The following ARMH3 variants were observed in gnomAD, a reference collection of about 807,000 sequenced individuals.
The protein encoded by ARMH3 is armadillo like helical domain containing 3.
ARMH3 carries 60 observed loss-of-function variants against 99.1 expected under a neutral mutation model. The observed-to-expected ratio is 0.61, with a 90% CI of 0.49 to 0.75. ARMH3 has a LOEUF of 0.75. Ranked by LOEUF, ARMH3 falls within the 30% of genes least tolerant of loss-of-function variation. The pLI, the probability that ARMH3 is intolerant of heterozygous loss-of-function variation, is 0.00. For missense variants in ARMH3, 679 were observed against 843.1 expected (o/e 0.81, Z 2.41); for synonymous variants, 285 against 292.8 (o/e 0.97, Z 0.27).
At chr10:102,029,893 G>GTT in intron 4 of ARMH3, 148 bp from the exon 5 acceptor site, 1 of 770,788 alleles carries the variant, frequency 1.3e-6, no homozygotes, top group Non-Finnish European at 2.0e-6. Context: ...AGTTTTTTTG[G>GTT]TTTTTTCCGT....
At chr10:102,051,474 G>GAAAAAAAAAAAAAAAA (rs771899987) in intron 1 of ARMH3, among the ~76,000 whole-genome samples, 1 of 129,658 alleles carries the variant, frequency 7.7e-6, no homozygotes, top group Non-Finnish European at 1.7e-5. Context: ...CTCCATTTCG[G>GAAAAAAAAAAAAAAAA]AAAAAAAAAA....
intron 22 of ARMH3, among the ~76,000 whole-genome samples, chr10:101,943,252 A>G (rs1564776716): frequency 6.6e-6 from 1 of 152,238 alleles, no homozygotes; most frequent in Non-Finnish European, 1.5e-5. Flanking sequence ...TGATCTATGC[A>G]TATGGAAGAA....
chr10:101,928,773 C>T (rs991427641), intron 23 of ARMH3, among the ~76,000 whole-genome samples: 1 of 152,140 alleles, frequency 6.6e-6, no homozygotes, highest in African/African-American at 2.4e-5. Context: ...TCTTGTTGTC[C>T]AGGCTGGAGT....
intron 18 of ARMH3, 83 bp from the exon 19 acceptor site, chr10:101,990,694 A>G: frequency 5.9e-6 from 6 of 1,012,108 alleles, no homozygotes; most frequent in Non-Finnish European, 9.3e-6. Context: ...GCTTCTGAGT[A>G]CACCTTGCAC....
intron 15 of ARMH3, 113 bp downstream of exon 15, chr10:102,001,858 C>CA: frequency 1.1e-6 from 1 of 928,150 alleles, no homozygotes; most frequent in South Asian, 1.6e-5. Context: ...ACCATGTACA[C>CA]AAGGCCCCAA....
intron 19 of ARMH3, among the ~76,000 whole-genome samples, chr10:101,976,158 G>C (rs1171244464): frequency 9.5e-6 from 1 of 104,724 alleles, no homozygotes; most frequent in East Asian, 3.4e-4. Flanking sequence ...GACAGAGTGA[G>C]ACTCTGTCTC....
chr10:102,015,621 C>T (rs1475301530), intron 8 of ARMH3, among the ~76,000 whole-genome samples: 1 of 152,140 alleles, frequency 6.6e-6, no homozygotes, highest in Non-Finnish European at 1.5e-5. Context: ...AACTCCTGAC[C>T]TCAGGTGGTC....
At chr10:101,872,776 G>C (rs1042803147) in intron 24 of ARMH3, among the ~76,000 whole-genome samples, 1 of 151,428 alleles carries the variant, frequency 6.6e-6, no homozygotes, top group African/African-American at 2.4e-5. Context: ...TGGCCAACAT[G>C]GTGAAACCCC....
At position 101,982,416 on chromosome 10, in the gene ARMH3, G is replaced by A. The variant is rs369632900; in HGVS notation, c.1407-7116C>T. On this transcript the variant is annotated intron_variant, in intron 19 of 25. Transcript: ENST00000370033. ...GAAAAAAACATGTATTTTACAAACC[G>A]TACAGAAAAATAATCTATAAATCAA... is the stretch of plus-strand genomic sequence containing the variant. Among the ~76,000 whole-genome samples, 20 of 152,090 alleles carry A rather than the reference G, an allele frequency of 1.3e-4. 1 individual carries two copies. In the South Asian group the frequency reaches 3.1e-3, roughly 24 times the overall value.
At chr10:101,950,789 G>A (rs984946860) in intron 22 of ARMH3, among the ~76,000 whole-genome samples, 2 of 152,186 alleles carry the variant, frequency 1.3e-5, no homozygotes, top group Non-Finnish European at 2.9e-5. Flanking sequence ...ATTGCCTAGA[G>A]CTCAGGAGAT....
intron 24 of ARMH3, among the ~76,000 whole-genome samples, chr10:101,858,460 GC>G (rs1475853369): frequency 6.6e-6 from 1 of 152,186 alleles, no homozygotes; most frequent in Admixed American, 6.5e-5. Flanking sequence ...CACACAGAAA[GC>G]ACTTAAGAAG....
chr10:102,053,423 T>A (rs1462287874), intron 1 of ARMH3, among the ~76,000 whole-genome samples: 1 of 152,018 alleles, frequency 6.6e-6, no homozygotes, highest in African/African-American at 2.4e-5. Context: ...TTTTCAGAGA[T>A]GGGGTCTCGC....
chr10:101,993,245 TGG>T (rs901415080), intron 17 of ARMH3, among the ~76,000 whole-genome samples: 1 of 137,126 alleles, frequency 7.3e-6, no homozygotes, highest in African/African-American at 2.8e-5. Context: ...CACTCCAGCC[TGG>T]GGGGGAGAGA....
At chr10:101,870,362 CAATT>C (rs2067104958) in intron 24 of ARMH3, among the ~76,000 whole-genome samples, 1 of 152,050 alleles carries the variant, frequency 6.6e-6, no homozygotes, top group Non-Finnish European at 1.5e-5. Flanking sequence ...ATTCAACTAA[CAATT>C]AAAATGTTTT....
chr10:101,871,170 C>T (rs1365652660), intron 24 of ARMH3, among the ~76,000 whole-genome samples: 1 of 152,068 alleles, frequency 6.6e-6, no homozygotes, highest in East Asian at 1.9e-4. Context: ...GAAACACTGA[C>T]AAAAATTTTA....
At chr10:101,931,862 T>C (rs1843737162) in intron 23 of ARMH3, among the ~76,000 whole-genome samples, 1 of 152,230 alleles carries the variant, frequency 6.6e-6, no homozygotes, top group Admixed American at 6.5e-5. Context: ...AATGATTTCT[T>C]GGATGTGATA....
chr10:101,857,524 T>G (rs976314708), intron 24 of ARMH3, among the ~76,000 whole-genome samples: 1 of 152,080 alleles, frequency 6.6e-6, no homozygotes, highest in Non-Finnish European at 1.5e-5. Context: ...GAGAGGAAGG[T>G]CCAAGCAGCT....
intron 23 of ARMH3, among the ~76,000 whole-genome samples, chr10:101,902,396 G>T (rs551672677): frequency 9.2e-5 from 14 of 152,140 alleles, no homozygotes; most frequent in Non-Finnish European, 2.1e-4. Flanking sequence ...CCTGTGTCCA[G>T]AAACCGATAC....
At chr10:101,952,663 AC>A (rs1844845156) in intron 22 of ARMH3, 1 of 152,168 alleles carries the variant, frequency 6.6e-6, no homozygotes, top group South Asian at 2.1e-4. Flanking sequence ...TCAATCTTTA[AC>A]TGACTGTGAA....
Sources: gnomAD v4.1 joint callset for allele counts (sites outside exome capture counted in the v4.1 genomes callset) on GRCh38, gnomAD v4.1.1 for gene constraint, MANE v1.5 for transcripts, NCBI Gene and HGNC (gene_info 2026-07-23, HGNC 2026-07-21) for gene names.